Variants in PRELID2 observed in about 807,000 individuals in gnomAD.
PRELID2 encodes the protein PRELI domain-containing protein 2.
Under a neutral mutation model 28.4 loss-of-function variants are expected in PRELID2, and 25 were observed. That is an observed-to-expected ratio of 0.88 (90% confidence interval 0.64 to 1.23). The LOEUF is 1.23. PRELID2 is among the 50% of genes most tolerant of loss of function. The probability of loss-of-function intolerance (pLI) is 0.00; values close to 1 mark genes in which losing one functional copy is unlikely to be tolerated. For missense variants in PRELID2, 201 were observed against 214.4 expected (o/e 0.94, Z 0.39); for synonymous variants, 76 against 71.6 (o/e 1.06, Z -0.31).
chr5:145,458,172 T>C, the PRELID2 span, among the ~76,000 whole-genome samples: 2 of 152,298 alleles, frequency 1.3e-5, no homozygotes, highest in South Asian at 2.1e-4. Flanking sequence ...TTTAGTAAGA[T>C]ACAAAAAATT....
chr5:145,738,938 G>T (rs1756572779), intron 1 of PRELID2, among the ~76,000 whole-genome samples: 1 of 152,162 alleles, frequency 6.6e-6, no homozygotes, highest in African/African-American at 2.4e-5. Flanking sequence ...TTAAAAAACT[G>T]TGAGAGGGAA....
At chr5:145,548,945 G>A (rs182870818) in intron 1 of PRELID2, among the ~76,000 whole-genome samples, 95 of 152,232 alleles carry the variant, frequency 6.2e-4, no homozygotes, top group African/African-American at 2.2e-3. Context: ...ACCACCTCAA[G>A]TTCCATTTAA....
intron 2 of PRELID2, among the ~76,000 whole-genome samples, chr5:145,821,614 G>T (rs1241059426): frequency 6.6e-6 from 1 of 152,184 alleles, no homozygotes; most frequent in Non-Finnish European, 1.5e-5. Flanking sequence ...GGCTATAGTA[G>T]TCCCAACCCT....
the PRELID2 span, among the ~76,000 whole-genome samples, chr5:145,233,656 T>A: frequency 4.6e-5 from 7 of 152,122 alleles, no homozygotes; most frequent in African/African-American, 1.4e-4. Flanking sequence ...CTCAGGACAG[T>A]TATGGAAAGG....
the PRELID2 span, among the ~76,000 whole-genome samples, chr5:145,245,202 A>C: frequency 6.6e-6 from 1 of 152,142 alleles, no homozygotes; most frequent in Non-Finnish European, 1.5e-5. Context: ...TCATAGATTT[A>C]GATTCAATGC....
At chr5:145,570,662 TCCCCTCCTCTGCTA>T (rs1424838859) in intron 1 of PRELID2, among the ~76,000 whole-genome samples, 1 of 152,140 alleles carries the variant, frequency 6.6e-6, no homozygotes, top group Non-Finnish European at 1.5e-5. Context: ...CCATGTCTCA[TCCCCTCCTCTGCTA>T]CCCACTTGTC....
intron 1 of PRELID2, among the ~76,000 whole-genome samples, chr5:145,529,487 A>T (rs1379165495): frequency 6.6e-6 from 1 of 152,202 alleles, no homozygotes; most frequent in Non-Finnish European, 1.5e-5. Flanking sequence ...TTTAATGTAC[A>T]TTATCCCATT....
At chr5:145,569,541 T>C (rs545078733) in intron 1 of PRELID2, among the ~76,000 whole-genome samples, 3 of 152,324 alleles carry the variant, frequency 2.0e-5, no homozygotes, top group South Asian at 2.1e-4. Context: ...TGCAGTGATA[T>C]GGTTTAAGAG....
the PRELID2 span, among the ~76,000 whole-genome samples, chr5:145,409,424 A>G: frequency 6.6e-6 from 1 of 152,198 alleles, no homozygotes; most frequent in Non-Finnish European, 1.5e-5. Context: ...AAAGATACAG[A>G]ATTGCAGAAT....
chr5:145,734,100 C>A (rs10038598), intron 1 of PRELID2, among the ~76,000 whole-genome samples: 124,122 of 152,158 alleles, frequency 0.82, 51,045 homozygotes, highest in East Asian at 0.88. Flanking sequence ...AGAATGCATC[C>A]CTGCCAACAT....
intron 1 of PRELID2, among the ~76,000 whole-genome samples, chr5:145,512,901 G>A (rs2126642285): frequency 6.6e-6 from 1 of 152,310 alleles, no homozygotes; most frequent in South Asian, 2.1e-4. Flanking sequence ...AGGACTGACT[G>A]TTAGAAGGAA....
intron 1 of PRELID2, among the ~76,000 whole-genome samples, chr5:145,739,785 T>C (rs980168502): frequency 1.3e-5 from 2 of 151,988 alleles, no homozygotes; most frequent in Admixed American, 1.3e-4. Flanking sequence ...TGTTTAAAGT[T>C]ATGTATATAT....
chr5:145,776,444 G>C lies in PRELID2; in HGVS notation c.475-11444C>G, dbSNP rs980036598. Among the ~76,000 whole-genome samples, 5 of 140,234 alleles carry C rather than the reference G, an allele frequency of 3.6e-5. No homozygotes were observed. In the East Asian group the frequency reaches 1.1e-3, roughly 30 times the overall value. 92.0% of individuals were successfully genotyped at this position (140,234 alleles called of 152,430 possible). ...ACAATGTGTTTCCTGTAAGTGAAAA[G>C]GTGAAAGTTCTCAAATGAAGAAAGA... On this transcript the variant is annotated intron_variant, in intron 5 of 6. Coordinates refer to ENST00000683046, the MANE Select transcript of PRELID2 (RefSeq NM_205846.3).
At chr5:145,252,664 T>C in the PRELID2 span, among the ~76,000 whole-genome samples, 4 of 152,102 alleles carry the variant, frequency 2.6e-5, no homozygotes, top group Admixed American at 2.6e-4. Flanking sequence ...TGACAGTTTC[T>C]GATGACAATA....
At chr5:145,710,582 A>C (rs553096446) in intron 1 of PRELID2, among the ~76,000 whole-genome samples, 11 of 152,200 alleles carry the variant, frequency 7.2e-5, no homozygotes, top group Non-Finnish European at 1.3e-4. Context: ...ACAGAGAACG[A>C]ACTATTCTCT....
chr5:145,820,497 G>A (rs1754707001), intron 2 of PRELID2, among the ~76,000 whole-genome samples: 1 of 152,066 alleles, frequency 6.6e-6, no homozygotes, highest in East Asian at 1.9e-4. Context: ...CAAAGAGAAT[G>A]TTTCAACAAA....
intron 1 of PRELID2, among the ~76,000 whole-genome samples, chr5:145,490,347 G>A (rs937131515): frequency 6.6e-6 from 1 of 152,118 alleles, no homozygotes; most frequent in Admixed American, 6.6e-5. Flanking sequence ...ACACACCTGT[G>A]TACACACATA....
chr5:145,572,445 A>T (rs1753022901), intron 1 of PRELID2, among the ~76,000 whole-genome samples: 1 of 152,178 alleles, frequency 6.6e-6, no homozygotes, highest in Non-Finnish European at 1.5e-5. Context: ...ATCCTAACTC[A>T]TAGGATTTTT....
intron 5 of PRELID2, among the ~76,000 whole-genome samples, chr5:145,779,036 ACCTTT>A (rs533475950): frequency 2.0e-4 from 30 of 152,308 alleles, no homozygotes; most frequent in African/African-American, 7.2e-4. Context: ...TGTTACTGTT[ACCTTT>A]CTGATTACTC....
Sources: allele counts gnomAD v4.1 joint callset (sites outside exome capture counted in the v4.1 genomes callset), GRCh38; gene constraint gnomAD v4.1.1; transcripts MANE v1.5; gene names NCBI Gene and HGNC (gene_info 2026-07-23, HGNC 2026-07-21).